The following SLC25A13 variants were observed in gnomAD, a reference collection of about 807,000 sequenced individuals.
SLC25A13 encodes the protein electrogenic aspartate/glutamate antiporter SLC25A13, mitochondrial.
In SLC25A13, 70 loss-of-function variants were observed where a neutral mutation model predicts 85.5. The observed-to-expected ratio is 0.82, with a 90% CI of 0.68 to 1.00. SLC25A13 has a LOEUF of 1.00. Ranked by LOEUF, SLC25A13 falls within the 50% of genes least tolerant of loss-of-function variation. The pLI is 0.00. For missense variants in SLC25A13, 765 were observed against 819.8 expected, an observed-to-expected ratio of 0.93 and a Z score of 0.82; for synonymous variants, 259 against 288.7, an observed-to-expected ratio of 0.90 and a Z score of 1.04.
chr7:96,181,143 G>A (rs1044147761), intron 11 of SLC25A13, among the ~76,000 whole-genome samples: 1 of 152,184 alleles, frequency 6.6e-6, no homozygotes, highest in Admixed American at 6.5e-5. Context: ...TGTAGAGAAG[G>A]TTTGCAGAGC....
intron 14 of SLC25A13, among the ~76,000 whole-genome samples, chr7:96,146,335 T>C (rs756156790): frequency 2.6e-5 from 4 of 152,078 alleles, no homozygotes; most frequent in African/African-American, 7.2e-5. Flanking sequence ...ATTCCTATCA[T>C]AGTCATCCTA....
chr7:96,258,848 T>C (rs189402766), intron 3 of SLC25A13, among the ~76,000 whole-genome samples: 1 of 152,308 alleles, frequency 6.6e-6, no homozygotes, highest in East Asian at 1.9e-4. Context: ...AACAGCATGG[T>C]ACTAGTACCA....
At chr7:96,234,732 G>GA (rs36076115) in intron 4 of SLC25A13, 70 bp downstream of exon 4, 88,471 of 856,174 alleles carry the variant, frequency 0.1, 1 homozygote, top group South Asian at 0.12. Flanking sequence ...TTTGTTCCTA[G>GA]AAAAAAAAAA....
intron 11 of SLC25A13, among the ~76,000 whole-genome samples, chr7:96,183,391 G>A (rs1475635340): frequency 6.6e-6 from 1 of 152,134 alleles, no homozygotes; most frequent in East Asian, 1.9e-4. Flanking sequence ...CAGTTTCACC[G>A]TCCACCTCAG....
At chr7:96,196,120 G>C (rs752779928) in intron 5 of SLC25A13, among the ~76,000 whole-genome samples, 1 of 152,162 alleles carries the variant, frequency 6.6e-6, no homozygotes, top group Non-Finnish European at 1.5e-5. Flanking sequence ...TGAACAAATC[G>C]TGAGCTATTG....
chr7:96,260,058 G>T (rs1310341341), intron 3 of SLC25A13, among the ~76,000 whole-genome samples: 4 of 150,926 alleles, frequency 2.7e-5, no homozygotes, highest in Non-Finnish European at 5.9e-5. Context: ...CTGTCGGGGG[G>T]TGGGGAGCAA....
At chr7:96,224,376 A>C (rs1436845090) in intron 4 of SLC25A13, among the ~76,000 whole-genome samples, 1 of 152,164 alleles carries the variant, frequency 6.6e-6, no homozygotes, top group African/African-American at 2.4e-5. Flanking sequence ...CTCTTGCTTA[A>C]GGGCCCGGCC....
chr7:96,304,656 G>T (rs1799672216), intron 1 of SLC25A13, among the ~76,000 whole-genome samples: 1 of 152,120 alleles, frequency 6.6e-6, no homozygotes, highest in East Asian at 1.9e-4. Flanking sequence ...GTCTCCAGAG[G>T]TTGCTAAAAG....
At chr7:96,306,782 C>T in intron 1 of SLC25A13, 1 of 1,239,272 alleles carries the variant, frequency 8.1e-7, no homozygotes, top group South Asian at 1.2e-5. Context: ...TCTGATACCT[C>T]CTAGTGCCCT....
At chr7:96,290,011 G>A (rs1262194991) in intron 2 of SLC25A13, among the ~76,000 whole-genome samples, 1 of 152,204 alleles carries the variant, frequency 6.6e-6, no homozygotes, top group Non-Finnish European at 1.5e-5. Context: ...CAGCCAGAGA[G>A]AAAGGTCGGG....
chr7:96,309,214 G>T (rs1003197192), intron 1 of SLC25A13, among the ~76,000 whole-genome samples: 6 of 152,216 alleles, frequency 3.9e-5, no homozygotes, highest in Admixed American at 2.0e-4. Context: ...GGCTGAAACA[G>T]CAGCAATGGA....
intron 5 of SLC25A13, among the ~76,000 whole-genome samples, chr7:96,199,499 C>T (rs1795174470): frequency 6.6e-6 from 1 of 152,158 alleles, no homozygotes; most frequent in Non-Finnish European, 1.5e-5. Context: ...GCAATGGGTG[C>T]TTACTAAATG....
intron 13 of SLC25A13, among the ~76,000 whole-genome samples, chr7:96,151,957 T>A (rs551628837): frequency 6.6e-6 from 1 of 152,106 alleles, no homozygotes; most frequent in African/African-American, 2.4e-5. Flanking sequence ...TAAAAATAAA[T>A]AAATAAATAA....
chr7:96,294,535 G>T (rs1473744705), intron 2 of SLC25A13, among the ~76,000 whole-genome samples: 1 of 151,792 alleles, frequency 6.6e-6, no homozygotes, highest in Non-Finnish European at 1.5e-5. Flanking sequence ...CATGAACCCG[G>T]GAGACAGAGG....
At chr7:96,296,719 G>A (rs985687085) in intron 2 of SLC25A13, among the ~76,000 whole-genome samples, 179 bp downstream of exon 2, 1 of 152,110 alleles carries the variant, frequency 6.6e-6, no homozygotes, top group Non-Finnish European at 1.5e-5. Context: ...GACCTCAGGG[G>A]ATCCACCCAC....
chr7:96,299,218 T>A (rs1203819289), intron 1 of SLC25A13, among the ~76,000 whole-genome samples: 1 of 152,202 alleles, frequency 6.6e-6, no homozygotes. Flanking sequence ...ACATTTCTGC[T>A]TAAGGATCCT....
At chr7:96,217,901 G>GAAAAAA (rs373871911) in intron 4 of SLC25A13, among the ~76,000 whole-genome samples, 1 of 96,222 alleles carries the variant, frequency 1.0e-5, no homozygotes, top group African/African-American at 3.6e-5. Context: ...AGCTTTCTCT[G>GAAAAAA]AAAAAAAAAA....
At chr7:96,292,214 T>C (rs1415151942) in intron 2 of SLC25A13, among the ~76,000 whole-genome samples, 1 of 152,158 alleles carries the variant, frequency 6.6e-6, no homozygotes, top group Admixed American at 6.5e-5. Flanking sequence ...AAAAGGCCTT[T>C]GATAAACTTC....
chr7:96,202,993 T>C (rs1347019720), intron 5 of SLC25A13, among the ~76,000 whole-genome samples: 2 of 152,148 alleles, frequency 1.3e-5, no homozygotes, highest in African/African-American at 4.8e-5. Flanking sequence ...ACTGTTACCA[T>C]CCAACTGAGA....
Sources: allele counts gnomAD v4.1 joint callset (sites outside exome capture counted in the v4.1 genomes callset), GRCh38; gene constraint gnomAD v4.1.1; transcripts MANE v1.5; gene names NCBI Gene and HGNC (gene_info 2026-07-23, HGNC 2026-07-21).